BRWD3: variants seen among roughly 807,000 people sequenced by gnomAD.
BRWD3 encodes the protein bromodomain and WD repeat domain containing 3.
In BRWD3, 10 loss-of-function variants were observed where a neutral mutation model predicts 149.7. The observed-to-expected ratio is 0.07, with a 90% CI of 0.04 to 0.11. The LOEUF is 0.11. Ranked by LOEUF, BRWD3 falls within the 10% of genes least tolerant of loss-of-function variation. The pLI is 1.00. For missense variants in BRWD3, 940 were observed against 1,373.2 expected, an observed-to-expected ratio of 0.68 and a Z score of 4.99; for synonymous variants, 504 against 456.7, an observed-to-expected ratio of 1.10 and a Z score of -1.32.
rs780883928 is a variant in BRWD3, at chrX:80,728,913, A to C, written c.1233-8T>G. 14 of 1,204,360 alleles carry C rather than the reference A, an allele frequency of 1.2e-5. No individual in the cohort carries two copies. Among genetic ancestry groups the C allele is most frequent in the Non-Finnish European group, 1.5e-5 (13 of 888,919 alleles). On this transcript the variant is annotated splice_polypyrimidine_tract_variant and splice_region_variant and intron_variant, in intron 13 of 40. Coordinates refer to ENST00000373275, the MANE Select transcript of BRWD3 (RefSeq NM_153252.5). ...CCAGATGGCAAATTATTGCTAAACA[A>C]AACAATTTGCAGTATTCATATCTTA... is the stretch of plus-strand genomic sequence containing the variant.
intron 6 of BRWD3, among the ~76,000 whole-genome samples, chrX:80,790,713 C>A (rs2074172107): frequency 8.9e-6 from 1 of 111,819 alleles, no homozygotes; most frequent in African/African-American, 3.2e-5. Context: ...TTCAGCATTT[C>A]ACATGTGACC....
In BRWD3 at chrX:80,754,826, G is replaced by A. The variant is rs954567331; in HGVS notation, c.431-9097C>T. Among the ~76,000 whole-genome samples the A allele has an allele frequency of 1.3e-4, 15 of 111,150 alleles. No individual in the cohort carries two copies. The Admixed American group carries it at 1.3e-3, about 10-fold the overall frequency. On this transcript the variant is annotated intron_variant, in intron 6 of 40. Transcript: ENST00000373275. ...GTTTGAGACCAGCCTGGCCAACATG[G>A]TGAAACCCCATCTCTACTAAAATAA...
chrX:80,740,166 A>G (rs1204420376), intron 8 of BRWD3, among the ~76,000 whole-genome samples: 3 of 111,869 alleles, frequency 2.7e-5, no homozygotes, highest in Non-Finnish European at 5.6e-5. Flanking sequence ...AAGATGATAT[A>G]TTATTTAAAT....
At chrX:80,708,391 T>C (rs989568910) in intron 21 of BRWD3, among the ~76,000 whole-genome samples, 4 of 106,210 alleles carry the variant, frequency 3.8e-5, no homozygotes, top group Admixed American at 1.0e-4. Context: ...ACAAGACTCT[T>C]GTCTTTTTTT....
chrX:80,731,894 CAAAAAAAAAAA>C (rs760738184), intron 12 of BRWD3, among the ~76,000 whole-genome samples: 2 of 22,936 alleles, frequency 8.7e-5, no homozygotes, highest in African/African-American at 3.1e-4. Context: ...GACTCTGTCT[CAAAAAAAAAAA>C]AAAAAAAAAA....
At position 80,809,595 on chromosome X, in the gene BRWD3, G is replaced by A. The variant is rs772543556; in HGVS notation, c.-124C>T. 6.5e-6 allele frequency: 3 copies of A among 463,419 alleles called. No individual in the cohort carries two copies. The highest frequency in any genetic ancestry group is 6.5e-5 in the South Asian group (2 of 30,715). The allele number at this position is 463,419 out of a possible 1,213,427, so 38.2% of individuals were successfully genotyped here. ...TCCCGCCGCTTCCGCCGCACTCCTC[G>A]TCCTAGTTTCGCTCTCTCTCGAATT... On this transcript the variant is annotated 5_prime_UTR_variant, in exon 1 of 41. The change creates a new upstream start codon in the 5' untranslated region. Coordinates refer to ENST00000373275, the MANE Select transcript of BRWD3 (RefSeq NM_153252.5).
At chrX:80,701,245 A>C (rs1474774907) in intron 24 of BRWD3, among the ~76,000 whole-genome samples, 2 of 110,419 alleles carry the variant, frequency 1.8e-5, no homozygotes, top group Admixed American at 9.8e-5. Flanking sequence ...TCTTTTCCTC[A>C]AGTTTAAAAG....
At chrX:80,717,817 G>A in intron 18 of BRWD3, 58 bp from the exon 19 acceptor site, 3 of 1,035,429 alleles carry the variant, frequency 2.9e-6, no homozygotes, top group Non-Finnish European at 4.1e-6. Flanking sequence ...TAGTTTTCCA[G>A]AACAGAGCTC....
chrX:80,676,839 G>A lies in BRWD3; in HGVS notation c.5179C>T (p.Arg1727Cys), dbSNP rs762018167. The part of the protein sequence containing the change: ...SRGATRAKRA[R>C]IADDEFDTMF... ...GTATCAAATTCATCATCTGCAATAC[G>A]TGCTCGTTTGGCTCTGGTAGCTCCT... is the stretch of plus-strand genomic sequence containing the variant. Residue 1727 changes from arginine (R) to cysteine (C), a missense_variant, in exon 41 of 41, where the codon CGT becomes TGT. Coordinates refer to ENST00000373275, the MANE Select transcript of BRWD3 (RefSeq NM_153252.5). 2.0e-5 allele frequency: 24 copies of A among 1,210,806 alleles called. No homozygotes were observed. Among genetic ancestry groups the A allele is most frequent in the Middle Eastern group, 2.3e-4 (1 of 4,351 alleles).
chrX:80,713,644 C>G (rs2073029598), intron 20 of BRWD3, among the ~76,000 whole-genome samples: 1 of 109,326 alleles, frequency 9.1e-6, no homozygotes, highest in South Asian at 4.1e-4. Context: ...GTCCTATGAC[C>G]CTGCCAAATC....
At chrX:80,743,656 T>G in intron 8 of BRWD3, 1 of 129,538 alleles carries the variant, frequency 7.7e-6, no homozygotes, top group Non-Finnish European at 1.6e-5. Context: ...TTTATCCATT[T>G]CTTCTAGATT....
At chrX:80,747,197 C>G (rs1320930801) in intron 6 of BRWD3, among the ~76,000 whole-genome samples, 1 of 109,518 alleles carries the variant, frequency 9.1e-6, no homozygotes, top group Non-Finnish European at 1.9e-5. Context: ...ACCATTACTT[C>G]TGCTTGGCTT....
chrX:80,789,452 T>C (rs905715102), intron 6 of BRWD3, among the ~76,000 whole-genome samples: 1 of 111,922 alleles, frequency 8.9e-6, no homozygotes. Context: ...CTCGGTTCAC[T>C]GCAAGCTCCG....
At chrX:80,783,384 TAAA>T (rs57607463) in intron 6 of BRWD3, among the ~76,000 whole-genome samples, 15 of 85,141 alleles carry the variant, frequency 1.8e-4, no homozygotes, top group Non-Finnish European at 1.8e-4. Context: ...AGACCCTGTC[TAAA>T]AAAAAAAAAA....
intron 21 of BRWD3, among the ~76,000 whole-genome samples, chrX:80,708,814 C>CAA (rs1321238456): frequency 1.0e-4 from 6 of 60,068 alleles, no homozygotes; most frequent in Admixed American, 2.1e-4. Flanking sequence ...GACTCCATCT[C>CAA]AAAAAAAAAA....
chrX:80,727,446 T>C (rs1359975450), intron 14 of BRWD3, among the ~76,000 whole-genome samples: 1 of 110,893 alleles, frequency 9.0e-6, no homozygotes, highest in Non-Finnish European at 1.9e-5. Flanking sequence ...GTGATATAGC[T>C]AAATTGGCTT....
intron 6 of BRWD3, among the ~76,000 whole-genome samples, chrX:80,771,522 T>C (rs960265344): frequency 8.9e-6 from 1 of 111,918 alleles, no homozygotes; most frequent in Non-Finnish European, 1.9e-5. Flanking sequence ...GTTTAATAAA[T>C]GGTGCTGGGA....
intron 6 of BRWD3, among the ~76,000 whole-genome samples, chrX:80,759,965 T>G (rs187008964): frequency 9.0e-6 from 1 of 111,530 alleles, no homozygotes; most frequent in East Asian, 2.8e-4. Flanking sequence ...CTAAATGCAC[T>G]TAACATGCAC....
rs1209701869 is a variant in BRWD3, at chrX:80,809,562, C to T, written c.-91G>A. Reference sequence around the variant, plus strand: ...CCTCTATTGTGGTGAAGCCCCCATGCCCGGGAGTCCCGCCGCTTCCGCCGC... The same window carrying T: ...CCTCTATTGTGGTGAAGCCCCCATGTCCGGGAGTCCCGCCGCTTCCGCCGC... On this transcript the variant is annotated 5_prime_UTR_variant, in exon 1 of 41. Transcript: ENST00000373275. 7.6e-6 allele frequency: 4 copies of T among 526,931 alleles called. No individual in the cohort carries two copies. The East Asian group carries it at 1.1e-4, about 14-fold the overall frequency. 43.4% of individuals were successfully genotyped at this position (526,931 alleles called of 1,213,427 possible).
Sources: gnomAD v4.1 joint callset for allele counts (sites outside exome capture counted in the v4.1 genomes callset) on GRCh38, gnomAD v4.1.1 for gene constraint, MANE v1.5 for transcripts, NCBI Gene and HGNC (gene_info 2026-07-23, HGNC 2026-07-21) for gene names.